SEPTIN7: variants seen among roughly 807,000 people sequenced by gnomAD.
The protein encoded by SEPTIN7 is septin 7, also known as septin-7.
SEPTIN7 carries 10 observed loss-of-function variants against 63.3 expected under a neutral mutation model. The ratio of observed to expected loss-of-function variants is 0.16; its 90% confidence interval spans 0.10 to 0.27. The LOEUF (loss-of-function observed/expected upper bound fraction) is 0.27, where lower values mean the gene tolerates loss of function less well. Among genes scored for constraint, SEPTIN7 ranks in the 10% least tolerant of loss-of-function variants. The pLI is 1.00. For synonymous variants in SEPTIN7, 131 were observed against 165.3 expected, an observed-to-expected ratio of 0.79 and a Z score of 1.59; for missense variants, 310 against 521.0, an observed-to-expected ratio of 0.59 and a Z score of 3.94.
In SEPTIN7 at chr7:35,878,714, A is replaced by G. The variant is rs536963383; in HGVS notation, c.513-1109A>G. Among the ~76,000 whole-genome samples the G allele has an allele frequency of 1.2e-4, 18 of 152,342 alleles. No homozygotes were observed. The East Asian group carries it at 3.3e-3, about 28-fold the overall frequency. ...AGGATTAGAGGAGGGGAGGAATCCT[A>G]GGTTTCACACTTGAGTAATGGGGAA... On this transcript the variant is annotated intron_variant, in intron 6 of 13. Coordinates refer to ENST00000350320, the MANE Select transcript of SEPTIN7 (RefSeq NM_001788.6).
chr7:35,885,766 A>AT (rs1787195457), intron 9 of SEPTIN7, 62 bp from the exon 10 acceptor site: 6 of 1,301,128 alleles, frequency 4.6e-6, no homozygotes, highest in South Asian at 2.5e-5. Flanking sequence ...CCTGTGAAAT[A>AT]TTTTTTGAAA....
intron 3 of SEPTIN7, among the ~76,000 whole-genome samples, chr7:35,836,923 A>C (rs569016217): frequency 2.6e-5 from 4 of 152,044 alleles, no homozygotes; most frequent in Admixed American, 1.3e-4. Context: ...TTTTGCTTTT[A>C]TTAATAGAAG....
intron 3 of SEPTIN7, among the ~76,000 whole-genome samples, chr7:35,835,677 G>A (rs1310541450): frequency 6.6e-6 from 1 of 152,170 alleles, no homozygotes; most frequent in Non-Finnish European, 1.5e-5. Context: ...ATGAGAATGA[G>A]AACTAGAGAA....
Position 35,801,096 on chromosome 7 carries a change from C to T in SEPTIN7, c.-114C>T, listed in dbSNP as rs748738533. On this transcript the variant is annotated 5_prime_UTR_variant, in exon 1 of 14. Coordinates refer to ENST00000350320, the MANE Select transcript of SEPTIN7 (RefSeq NM_001788.6). ...CTGTGGAGGAGTCCGCCTGCTGTAG[C>T]GTGCGTAAGCAAGGCAGCTACGCCG... is the stretch of plus-strand genomic sequence containing the variant. The T allele has an allele frequency of 5.3e-6, 4 of 760,290 alleles. No homozygotes were observed. Among genetic ancestry groups the T allele is most frequent in the African/African-American group, 3.7e-5 (2 of 53,626 alleles). The allele number at this position is 760,290 out of a possible 1,614,324, so 47.1% of individuals were successfully genotyped here. A position where few individuals can be genotyped will look rare whatever the true frequency, so the allele number is the denominator to read the frequency against.
chr7:35,863,754 A>G (rs1272831230), intron 4 of SEPTIN7, 96 bp downstream of exon 4: 1 of 600,180 alleles, frequency 1.7e-6, no homozygotes, highest in Non-Finnish European at 2.7e-6. Context: ...TAGAGGTAAG[A>G]TGCAAATTTG....
At chr7:35,914,594 C>A in the SEPTIN7 span, among the ~76,000 whole-genome samples, 7 of 152,014 alleles carry the variant, frequency 4.6e-5, no homozygotes, top group Non-Finnish European at 1.0e-4. Context: ...AATTGTGTGA[C>A]CCAATTCCTT....
At chr7:35,900,012 A>G (rs1205003762) in intron 12 of SEPTIN7, 1 of 152,194 alleles carries the variant, frequency 6.6e-6, no homozygotes, top group Non-Finnish European at 1.5e-5. Flanking sequence ...AAGTGTATGA[A>G]GAAGAGATTC....
chr7:35,915,058 T>C, the SEPTIN7 span, among the ~76,000 whole-genome samples: 1 of 151,774 alleles, frequency 6.6e-6, no homozygotes, highest in East Asian at 1.9e-4. Context: ...TATGTATATA[T>C]ACACAGATGC....
intron 6 of SEPTIN7, among the ~76,000 whole-genome samples, chr7:35,878,471 G>A (rs1194452122): frequency 6.6e-6 from 1 of 152,124 alleles, no homozygotes; most frequent in East Asian, 1.9e-4. Flanking sequence ...AGCTTTGTGG[G>A]CCATTCTAGT....
chr7:35,908,451 C>T (rs745961793), downstream of SEPTIN7, among the ~76,000 whole-genome samples: 1 of 152,160 alleles, frequency 6.6e-6, no homozygotes, highest in African/African-American at 2.4e-5. Flanking sequence ...CCTTGTTCTG[C>T]GCCAGGCTCT....
chr7:35,913,575 C>A, the SEPTIN7 span, among the ~76,000 whole-genome samples: 1 of 148,210 alleles, frequency 6.7e-6, no homozygotes, highest in Non-Finnish European at 1.5e-5. Context: ...TTCTTTCCTT[C>A]CTTCCTTCTT....
intron 3 of SEPTIN7, among the ~76,000 whole-genome samples, chr7:35,838,139 G>A (rs1029171832): frequency 1.4e-4 from 22 of 151,754 alleles, no homozygotes; most frequent in African/African-American, 5.3e-4. Context: ...TACTCTGAGG[G>A]CATTATTATT....
At chr7:35,871,617 G>A (rs978089880) in intron 4 of SEPTIN7, among the ~76,000 whole-genome samples, 3 of 152,122 alleles carry the variant, frequency 2.0e-5, no homozygotes, top group African/African-American at 7.2e-5. Flanking sequence ...CTTAGTCTCC[G>A]CATGTTAGTC....
chr7:35,887,464 A>C (rs1409873652), intron 10 of SEPTIN7, among the ~76,000 whole-genome samples: 2 of 152,212 alleles, frequency 1.3e-5, no homozygotes, highest in African/African-American at 4.8e-5. Context: ...CTCCTGCCTC[A>C]GCTTCCTGAG....
chr7:35,877,915 C>T (rs550709796), intron 6 of SEPTIN7, among the ~76,000 whole-genome samples: 68 of 152,262 alleles, frequency 4.5e-4, no homozygotes, highest in African/African-American at 1.6e-3. Context: ...GTTGAAGATA[C>T]GTTTAATAGC....
At chr7:35,900,382 A>G (rs1031305698) in intron 12 of SEPTIN7, 1 of 152,204 alleles carries the variant, frequency 6.6e-6, no homozygotes, top group African/African-American at 2.4e-5. Flanking sequence ...CCCTCCTATC[A>G]TAGGGCAAAC....
At chr7:35,901,698 T>A (rs1303108862) in intron 12 of SEPTIN7, 1 of 152,174 alleles carries the variant, frequency 6.6e-6, no homozygotes, top group African/African-American at 2.4e-5. Context: ...AAAAATAGAA[T>A]GTTATCAACT....
rs1021210268 is a variant in SEPTIN7, at chr7:35,898,489, A to G, written c.1134+106A>G. ...ATAACCTTTTTATACATATTTTTTC[A>G]AAATTAATACCCTAGTGTAACAAAA... On this transcript the variant is annotated intron_variant, in intron 12 of 13. Transcript: ENST00000350320. The G allele has an allele frequency of 2.2e-4, 149 of 690,760 alleles. 2 individuals are homozygous for G. Among genetic ancestry groups the G allele is most frequent in the South Asian group, 5.0e-4 (19 of 37,656 alleles). 42.8% of individuals were successfully genotyped at this position (690,760 alleles called of 1,614,324 possible).
At chr7:35,866,250 C>G (rs1785800902) in intron 4 of SEPTIN7, among the ~76,000 whole-genome samples, 1 of 152,184 alleles carries the variant, frequency 6.6e-6, no homozygotes, top group Non-Finnish European at 1.5e-5. Context: ...ATATTACAGA[C>G]AGGGTCAGAG....
Sources: allele counts gnomAD v4.1 joint callset (sites outside exome capture counted in the v4.1 genomes callset), GRCh38; gene constraint gnomAD v4.1.1; transcripts MANE v1.5; gene names NCBI Gene and HGNC (gene_info 2026-07-23, HGNC 2026-07-21).